LMTK3: variants seen among roughly 807,000 people sequenced by gnomAD.
LMTK3 encodes the protein serine/threonine-protein kinase LMTK3.
In LMTK3, 27 loss-of-function variants were observed where a neutral mutation model predicts 116.7. That is an observed-to-expected ratio of 0.23 (90% CI 0.17 to 0.32). The LOEUF is 0.32. LMTK3 is among the 10% of genes least tolerant of loss of function. The pLI, the probability that LMTK3 is intolerant of heterozygous loss-of-function variation, is 1.00. For synonymous variants in LMTK3, 965 were observed against 971.0 expected, an observed-to-expected ratio of 0.99 and a Z score of 0.11; for missense variants, 1,764 against 2,068.5, an observed-to-expected ratio of 0.85 and a Z score of 2.86.
intron 3 of LMTK3, 69 bp downstream of exon 3, chr19:48,509,954 G>A: frequency 6.4e-7 from 1 of 1,568,328 alleles, no homozygotes; most frequent in Non-Finnish European, 8.7e-7. Flanking sequence ...GCCCCTGAAG[G>A]AACACACTCA....
In LMTK3 at chr19:48,498,573, C is replaced by T. The variant is rs1447026560; in HGVS notation, c.2496G>A (p.Ala832=). 12 of 1,556,000 alleles carry T rather than the reference C, an allele frequency of 7.7e-6. No homozygotes were observed. Among genetic ancestry groups the T allele is most frequent in the African/African-American group, 1.4e-5 (1 of 72,974 alleles). ...GACCCGGGTCTGGAGGTGGCCGGGG[C>T]GCTCCTGGGTCGGGTGGCTCGGGGG... ...RAPPEPPDPG[A]PRPPPDPGPL... is the part of the protein sequence containing the mutation. Residue 832 remains alanine, a synonymous_variant, in exon 11 of 15, where the codon GCG becomes GCA. Coordinates refer to ENST00000600059, the MANE Select transcript of LMTK3 (RefSeq NM_001388485.1).
At position 48,497,350 on chromosome 19, in the gene LMTK3, A is replaced by G; in HGVS notation, c.3676+43T>C. ...CACTCACCCTCCGCACGCCTCGGAA[A>G]CAGCCGGACCTCAGCCCTGACTGTG... On this transcript the variant is annotated intron_variant, in intron 11 of 14. Coordinates refer to ENST00000600059, the MANE Select transcript of LMTK3 (RefSeq NM_001388485.1). This position sits in a 1 kb window ranked among gnomAD's most constrained non-coding sequence, Gnocchi z 5.7. The G allele has an allele frequency of 7.1e-7, 1 of 1,418,304 alleles. No homozygotes were observed. The highest frequency in any genetic ancestry group is 1.6e-5 in the South Asian group (1 of 61,180). 87.9% of individuals were successfully genotyped at this position (1,418,304 alleles called of 1,614,324 possible).
Position 48,494,220 on chromosome 19 carries a change from C to T in LMTK3, c.3677-111G>A. The T allele has an allele frequency of 1.7e-6, 1 of 595,406 alleles. No homozygotes were observed. 36.9% of individuals were successfully genotyped at this position (595,406 alleles called of 1,614,324 possible). On this transcript the variant is annotated intron_variant, in intron 11 of 14. Transcript: ENST00000600059. This position sits in a 1 kb window ranked among gnomAD's most constrained non-coding sequence, Gnocchi z 4.0. Reference sequence around the variant, plus strand: ...CCCCGCACAATCTGGGCCTCAGCACCCACTTTGTGAACGGAAGGGCTGCAC... The same window carrying T: ...CCCCGCACAATCTGGGCCTCAGCACTCACTTTGTGAACGGAAGGGCTGCAC...
rs1194888956 is a variant in LMTK3, at chr19:48,491,953, G to A, written c.4093-414C>T. Among the ~76,000 whole-genome samples, 2 of 151,044 alleles carry A rather than the reference G, an allele frequency of 1.3e-5. No homozygotes were observed. Among genetic ancestry groups the A allele is most frequent in the Non-Finnish European group, 2.9e-5 (2 of 67,850 alleles). Reference sequence around the variant, plus strand: ...TCCCAACCCCTGCCCCATCCTGAGCGCATGCCGTGCTGGATGCTGTGACCC... The same window carrying A: ...TCCCAACCCCTGCCCCATCCTGAGCACATGCCGTGCTGGATGCTGTGACCC... On this transcript the variant is annotated intron_variant, in intron 12 of 14. Transcript: ENST00000600059. The surrounding 1 kb of genome is among the most constrained non-coding windows in gnomAD (Gnocchi z 5.1).
chr19:48,487,154 C>G (rs1269103943), intron 14 of LMTK3, among the ~76,000 whole-genome samples: 1 of 151,884 alleles, frequency 6.6e-6, no homozygotes, highest in Non-Finnish European at 1.5e-5. Context: ...CCTGCCTCAG[C>G]CTCCCAAGTA....
Position 48,491,320 on chromosome 19 carries a change from G to A in LMTK3, c.4229-75C>T. ...CCCGCCCTCTGGTCCCGCCCCTCCC[G>A]ACCAAGCCCCTCCCACCCCATAGAC... is the stretch of plus-strand genomic sequence containing the variant. On this transcript the variant is annotated intron_variant, in intron 13 of 14. Coordinates refer to ENST00000600059, the MANE Select transcript of LMTK3 (RefSeq NM_001388485.1). This position sits in a 1 kb window ranked among gnomAD's most constrained non-coding sequence, Gnocchi z 5.1. The A allele has an allele frequency of 4.2e-6, 2 of 479,730 alleles. No homozygotes were observed. The highest frequency in any genetic ancestry group is 3.1e-6 in the Non-Finnish European group (1 of 325,046). The allele number at this position is 479,730 out of a possible 1,614,324, so 29.7% of individuals were successfully genotyped here.
At position 48,499,918 on chromosome 19, in the gene LMTK3, C is replaced by A; in HGVS notation, c.1152-1G>T. 1 of 1,584,120 alleles carries A rather than the reference C, an allele frequency of 6.3e-7. No individual in the cohort carries two copies. The highest frequency in any genetic ancestry group is 1.3e-5 in the African/African-American group (1 of 74,500). On this transcript the variant is annotated splice_acceptor_variant, in intron 10 of 14. Coordinates refer to ENST00000600059, the MANE Select transcript of LMTK3 (RefSeq NM_001388485.1). LOFTEE classifies it high-confidence loss of function. ...CCAGCAGGACTGAAGAATGTCATACCTGGGGAGAGGTGGGGCAGAGTGAGC... is the reference window on the plus strand; with the variant it reads ...CCAGCAGGACTGAAGAATGTCATACATGGGGAGAGGTGGGGCAGAGTGAGC...
At chr19:48,492,433 C>A (rs965378907) in intron 12 of LMTK3, among the ~76,000 whole-genome samples, 10 of 152,126 alleles carry the variant, frequency 6.6e-5, no homozygotes, top group African/African-American at 2.4e-4. Context: ...GTGATCCTCC[C>A]GCCTCGGCCT....
chr19:48,487,690 C>G (rs1972149573), intron 14 of LMTK3, among the ~76,000 whole-genome samples: 1 of 152,130 alleles, frequency 6.6e-6, no homozygotes, highest in South Asian at 2.1e-4. Context: ...AAAGCCCCAT[C>G]CATTGTACAG....
Position 48,489,650 on chromosome 19 carries a change from G to A in LMTK3, c.4366+1458C>T, listed in dbSNP as rs1643479. On this transcript the variant is annotated intron_variant, in intron 14 of 14. Coordinates refer to ENST00000600059, the MANE Select transcript of LMTK3 (RefSeq NM_001388485.1). ...TGCACAGGCGCTGTGCTGCATACTC[G>A]GGAGGATTAAGCCATTTAATTCCCT... is the stretch of plus-strand genomic sequence containing the variant. Among the ~76,000 whole-genome samples the A allele has an allele frequency of 5.6e-3, 850 of 152,268 alleles. 9 individuals carry two copies. Among genetic ancestry groups the A allele is most frequent in the African/African-American group, 0.019 (805 of 41,550 alleles).
upstream of LMTK3, among the ~76,000 whole-genome samples, chr19:48,512,931 G>A (rs1972684598): frequency 6.6e-6 from 1 of 151,910 alleles, no homozygotes; most frequent in South Asian, 2.1e-4. Flanking sequence ...GACACACAGA[G>A]TTGCACACAT....
At position 48,499,177 on chromosome 19, in the gene LMTK3, T is replaced by TC; in HGVS notation, c.1891dup (p.Glu631GlyfsTer909). The TC allele has an allele frequency of 6.7e-7, 1 of 1,489,572 alleles. No individual in the cohort carries two copies. Among genetic ancestry groups the TC allele is most frequent in the Non-Finnish European group, 8.9e-7 (1 of 1,117,690 alleles). 92.3% of individuals were successfully genotyped at this position (1,489,572 alleles called of 1,614,324 possible). On this transcript the variant is annotated frameshift_variant, in exon 11 of 15. Transcript: ENST00000600059. LOFTEE classifies it high-confidence loss of function. ...TTCCACCCACGGGGCGGTCCCCCGC[T>TC]CCCCCAAGACCTCGGCAGGGTCTCC...
At chr19:48,508,603 A>G (rs1432253676) in intron 5 of LMTK3, among the ~76,000 whole-genome samples, 1 of 152,092 alleles carries the variant, frequency 6.6e-6, no homozygotes, top group African/African-American at 2.4e-5. Flanking sequence ...GAAGATCCGG[A>G]GGTTCAGAGG....
In LMTK3 at chr19:48,501,265, G is replaced by A. The variant is rs761265651; in HGVS notation, c.1001+18C>T. 1.2e-6 allele frequency: 2 copies of A among 1,611,982 alleles called. No homozygotes were observed. The highest frequency in any genetic ancestry group is 1.7e-6 in the Non-Finnish European group (2 of 1,178,716). On this transcript the variant is annotated intron_variant, in intron 9 of 14. Coordinates refer to ENST00000600059, the MANE Select transcript of LMTK3 (RefSeq NM_001388485.1). ...ACCTTCCTGGCCTGCCTCGGCCCCC[G>A]CGGCCCGTGGTCCTCACCAGATGTT...
rs2147535088 is a variant in LMTK3, at chr19:48,493,938, TCGTCCTCGTCCTCCC to T, written c.3833_3847del (p.Gly1278_Asp1282del). The T allele has an allele frequency of 1.9e-6, 2 of 1,035,118 alleles. No homozygotes were observed. Among genetic ancestry groups the T allele is most frequent in the Non-Finnish European group, 2.3e-6 (2 of 866,474 alleles). 64.1% of individuals were successfully genotyped at this position (1,035,118 alleles called of 1,614,324 possible). The stretch of plus-strand genomic sequence containing the variant: ...CGCCTCCTCGTCCTCCTCCTCGTCC[TCGTCCTCGTCCTCCC>T]CGTCCTCCTCCGCCGGCCCCGGCGC... On this transcript the variant is annotated inframe_deletion, in exon 12 of 15. Coordinates refer to ENST00000600059, the MANE Select transcript of LMTK3 (RefSeq NM_001388485.1).
Position 48,501,420 on chromosome 19 carries a change from C to G in LMTK3, c.880-16G>C. On this transcript the variant is annotated splice_polypyrimidine_tract_variant and intron_variant, in intron 8 of 14. Transcript: ENST00000600059. ...AGTAGTCCTCCTGAGGGAACCAGGGCGGTGTCAGGCGGGTCAGGGCACCCC... is the reference window on the plus strand; with the variant it reads ...AGTAGTCCTCCTGAGGGAACCAGGGGGGTGTCAGGCGGGTCAGGGCACCCC... 1.2e-6 allele frequency: 2 copies of G among 1,612,646 alleles called. No individual in the cohort carries two copies. The highest frequency in any genetic ancestry group is 2.2e-5 in the South Asian group (2 of 91,046).
At chr19:48,495,633 C>T (rs1228183297) in intron 11 of LMTK3, among the ~76,000 whole-genome samples, 1 of 152,238 alleles carries the variant, frequency 6.6e-6, no homozygotes, top group Non-Finnish European at 1.5e-5. Context: ...GAAGAAACGT[C>T]CTCTGTCCAG....
In LMTK3 at chr19:48,498,434, C is replaced by T. The variant is rs1972378566; in HGVS notation, c.2635G>A (p.Gly879Arg). The change falls in exon 11 of 15, where the codon GGG (glycine) becomes AGG (arginine). Residue 879 changes from glycine to arginine, a missense_variant. Coordinates refer to ENST00000600059, the MANE Select transcript of LMTK3 (RefSeq NM_001388485.1). ...GGTCCTGTCTCCCGGGCTGTCGCCCCCTTCTCCCCCAGGAGGTTCCTTGTC... is the reference window on the plus strand; with the variant it reads ...GGTCCTGTCTCCCGGGCTGTCGCCCTCTTCTCCCCCAGGAGGTTCCTTGTC... ...DVTRNLLGEK[G>R]ATARETGPRK... 2 of 1,605,726 alleles carry T rather than the reference C, an allele frequency of 1.2e-6. No individual in the cohort carries two copies. The highest frequency in any genetic ancestry group is 2.2e-5 in the East Asian group (1 of 44,542).
Position 48,493,675 on chromosome 19 carries a change from G to A in LMTK3, c.4092+19C>T, listed in dbSNP as rs750332410. On this transcript the variant is annotated intron_variant, in intron 12 of 14. Coordinates refer to ENST00000600059, the MANE Select transcript of LMTK3 (RefSeq NM_001388485.1). ...CTCCAGGCCGCGACCCCGAAACCGC[G>A]CCCTCTCGGGTTCCGCACCTGGTCG... 8.4e-6 allele frequency: 13 copies of A among 1,553,072 alleles called. No individual in the cohort carries two copies. Among genetic ancestry groups the A allele is most frequent in the Non-Finnish European group, 1.1e-5 (13 of 1,149,844 alleles).
Sources: gnomAD v4.1 joint callset for allele counts (sites outside exome capture counted in the v4.1 genomes callset) on GRCh38, gnomAD v4.1.1 for gene constraint, Gnocchi (gnomAD v3.1) non-coding constraint, MANE v1.5 for transcripts, NCBI Gene and HGNC (gene_info 2026-07-23, HGNC 2026-07-21) for gene names.